Variants in FRMD6 observed in about 807,000 individuals in gnomAD.
FRMD6 encodes the protein FERM domain containing 6, also known as FERM domain-containing protein 6.
Under a neutral mutation model 73.2 loss-of-function variants are expected in FRMD6, and 37 were observed. That is an observed-to-expected ratio of 0.51 (90% CI 0.39 to 0.66). The LOEUF is 0.66. Among genes scored for constraint, FRMD6 ranks in the 30% least tolerant of loss-of-function variants. The pLI, the probability that FRMD6 is intolerant of heterozygous loss-of-function variation, is 0.00. For missense variants in FRMD6, 714 were observed against 780.5 expected, an observed-to-expected ratio of 0.91 and a Z score of 1.02; for synonymous variants, 273 against 282.2, an observed-to-expected ratio of 0.97 and a Z score of 0.33.
intron 9 of FRMD6, 108 bp from the exon 10 acceptor site, chr14:51,715,215 CTT>C: frequency 2.4e-6 from 2 of 825,970 alleles, no homozygotes; most frequent in South Asian, 5.2e-5. Context: ...TTAAATGAAA[CTT>C]TATACATTTC....
intron 2 of FRMD6, among the ~76,000 whole-genome samples, chr14:51,694,163 A>G (rs1268286588): frequency 6.6e-6 from 1 of 152,138 alleles, no homozygotes; most frequent in Non-Finnish European, 1.5e-5. Context: ...GCATTAATAG[A>G]AGCTATTTTA....
chr14:51,568,168 C>A (rs1406669114), intron 1 of FRMD6, among the ~76,000 whole-genome samples: 2 of 152,324 alleles, frequency 1.3e-5, no homozygotes, highest in Admixed American at 6.5e-5. Flanking sequence ...TATTTAGTCC[C>A]ATGGAGGTGA....
At chr14:51,570,682 GTTGACTCTGA>G (rs1315531390) in intron 2 of FRMD6, among the ~76,000 whole-genome samples, 1 of 152,208 alleles carries the variant, frequency 6.6e-6, no homozygotes, top group Non-Finnish European at 1.5e-5. Flanking sequence ...AAAGTTTCCA[GTTGACTCTGA>G]TGCACATACA....
At chr14:51,562,511 C>G (rs115517987) in intron 1 of FRMD6, among the ~76,000 whole-genome samples, 1 of 152,166 alleles carries the variant, frequency 6.6e-6, no homozygotes, top group African/African-American at 2.4e-5. Flanking sequence ...GGGAAGTCAA[C>G]CATGCGTGGG....
chr14:51,396,534 C>T, the FRMD6 span, among the ~76,000 whole-genome samples: 3 of 152,154 alleles, frequency 2.0e-5, no homozygotes, highest in East Asian at 1.9e-4. Flanking sequence ...TGTACAGCCA[C>T]GGAACGCAGC....
At chr14:51,465,664 C>G in the FRMD6 span, among the ~76,000 whole-genome samples, 5 of 152,308 alleles carry the variant, frequency 3.3e-5, no homozygotes, top group East Asian at 9.6e-4. Flanking sequence ...GGGTAGTATT[C>G]TATTGCATGG....
intron 2 of FRMD6, among the ~76,000 whole-genome samples, chr14:51,639,600 C>T (rs1178289356): frequency 6.6e-6 from 1 of 152,122 alleles, no homozygotes; most frequent in East Asian, 1.9e-4. Flanking sequence ...CTAAACTTGG[C>T]ATAGCATCTA....
At position 51,692,472 on chromosome 14, in the gene FRMD6, ATGTGTG is replaced by A. The variant is rs10637550; in HGVS notation, c.99+2555_99+2560del. On this transcript the variant is annotated intron_variant, in intron 2 of 13. Coordinates refer to ENST00000344768, the MANE Select transcript of FRMD6 (RefSeq NM_001267046.2). ...TTCATTTGTCTTTTTACGTGGTGCAATGTGTGTGTGTGTGTGTGTGTGTACACACAC... is the reference window on the plus strand; with the variant it reads ...TTCATTTGTCTTTTTACGTGGTGCAATGTGTGTGTGTGTGTGTACACACAC... 1.9e-4 allele frequency among the ~76,000 whole-genome samples: 29 copies of A among 150,596 alleles called. No homozygotes were observed. In the East Asian group the frequency reaches 4.5e-3, roughly 23 times the overall value.
At chr14:51,448,841 G>A in the FRMD6 span, among the ~76,000 whole-genome samples, 126 of 152,264 alleles carry the variant, frequency 8.3e-4, no homozygotes, top group Middle Eastern at 6.8e-3. Flanking sequence ...CCCCCAGCTC[G>A]TCGTGGGTAT....
chr14:51,468,073 G>A, the FRMD6 span, among the ~76,000 whole-genome samples: 6 of 152,078 alleles, frequency 3.9e-5, no homozygotes, highest in East Asian at 1.9e-4. Context: ...CAGATCACTC[G>A]CGGTCAGGAG....
At chr14:51,500,387 C>A (rs140294864) in intron 1 of FRMD6, among the ~76,000 whole-genome samples, 1 of 151,984 alleles carries the variant, frequency 6.6e-6, no homozygotes, top group Non-Finnish European at 1.5e-5. Context: ...ATTAGCCAGG[C>A]GTGGTGGCAC....
the FRMD6 span, chr14:51,436,950 GAGA>G: frequency 7.1e-6 from 7 of 991,092 alleles, no homozygotes; most frequent in East Asian, 2.2e-4. Context: ...GAGGATGAAG[GAGA>G]AGATGACTAA....
intron 2 of FRMD6, among the ~76,000 whole-genome samples, chr14:51,599,218 G>A (rs1276044577): frequency 6.6e-6 from 1 of 151,836 alleles, no homozygotes; most frequent in Non-Finnish European, 1.5e-5. Flanking sequence ...CTTCAACAAA[G>A]TTGACAAAAA....
the FRMD6 span, among the ~76,000 whole-genome samples, chr14:51,431,434 C>T: frequency 6.6e-6 from 1 of 152,158 alleles, no homozygotes; most frequent in Non-Finnish European, 1.5e-5. Context: ...CACAGTACTA[C>T]CCGGTACAGA....
At chr14:51,477,274 A>T in the FRMD6 span, among the ~76,000 whole-genome samples, 1 of 152,322 alleles carries the variant, frequency 6.6e-6, no homozygotes, top group African/African-American at 2.4e-5. Context: ...CTCAACCCTG[A>T]AGGCTAAAAC....
At chr14:51,613,887 C>T (rs1040776267) in intron 2 of FRMD6, among the ~76,000 whole-genome samples, 8 of 151,716 alleles carry the variant, frequency 5.3e-5, no homozygotes, top group Admixed American at 3.9e-4. Flanking sequence ...TTATTTAGCC[C>T]AATACAGATA....
chr14:51,701,305 A>G (rs1896294056), intron 4 of FRMD6, 146 bp downstream of exon 4: 4 of 319,564 alleles, frequency 1.3e-5, no homozygotes, highest in Non-Finnish European at 1.2e-5. Context: ...TATATAGTAT[A>G]TGTATAGTAT....
At chr14:51,670,238 CTAATTTTTTATTTTTAAT>C (rs1280151138) in intron 1 of FRMD6, among the ~76,000 whole-genome samples, 1 of 152,074 alleles carries the variant, frequency 6.6e-6, no homozygotes, top group Non-Finnish European at 1.5e-5. Context: ...CCACACATAG[CTAATTTTTTATTTTTAAT>C]TGTTTTTGTG....
chr14:51,420,064 A>G, the FRMD6 span, among the ~76,000 whole-genome samples: 1 of 152,178 alleles, frequency 6.6e-6, no homozygotes, highest in Non-Finnish European at 1.5e-5. Flanking sequence ...CTAATAAAAT[A>G]TCGTGAAAGT....
Sources: gnomAD v4.1 joint callset for allele counts (sites outside exome capture counted in the v4.1 genomes callset) on GRCh38, gnomAD v4.1.1 for gene constraint, MANE v1.5 for transcripts, NCBI Gene and HGNC (gene_info 2026-07-23, HGNC 2026-07-21) for gene names.